The following TCF12 variants were observed in gnomAD, a reference collection of about 807,000 sequenced individuals.
The protein encoded by TCF12 is transcription factor 12.
Under a neutral mutation model 86.0 loss-of-function variants are expected in TCF12, and 45 were observed. The ratio of observed to expected loss-of-function variants is 0.52; its 90% CI spans 0.41 to 0.67. The LOEUF (loss-of-function observed/expected upper bound fraction) is 0.67. Among genes scored for constraint, TCF12 ranks in the 30% least tolerant of loss-of-function variants. The pLI is 0.00. For synonymous variants in TCF12, 330 were observed against 299.6 expected (o/e 1.10, Z -1.05); for missense variants, 881 against 859.9 (o/e 1.02, Z -0.31).
At chr15:57,107,025 A>G (rs1252795236) in intron 5 of TCF12, among the ~76,000 whole-genome samples, 5 of 152,234 alleles carry the variant, frequency 3.3e-5, no homozygotes, top group African/African-American at 9.6e-5. Flanking sequence ...TTACAAAACA[A>G]AACATGCTCT....
At chr15:57,161,783 A>G (rs1033505780) in intron 5 of TCF12, among the ~76,000 whole-genome samples, 3 of 152,220 alleles carry the variant, frequency 2.0e-5, no homozygotes, top group South Asian at 2.1e-4. Flanking sequence ...CAGTAGAACA[A>G]TAGATATTTT....
chr15:56,920,035 T>C (rs1475469927), intron 2 of TCF12, 47 bp downstream of exon 2: 2 of 1,593,046 alleles, frequency 1.3e-6, no homozygotes, highest in African/African-American at 1.4e-5. Context: ...GAGGTTTTTG[T>C]TTGTTTGTTT....
chr15:57,155,011 G>T (rs2054019640), intron 5 of TCF12, among the ~76,000 whole-genome samples: 1 of 152,122 alleles, frequency 6.6e-6, no homozygotes, highest in African/African-American at 2.4e-5. Flanking sequence ...ACCCAGTGAG[G>T]TAGAACTATT....
At chr15:57,170,708 A>T (rs1385767977) in intron 6 of TCF12, among the ~76,000 whole-genome samples, 1 of 14,116 alleles carries the variant, frequency 7.1e-5, no homozygotes, top group African/African-American at 3.1e-4. Context: ...TATATATAAT[A>T]TATAATATAT....
intron 6 of TCF12, among the ~76,000 whole-genome samples, chr15:57,168,302 G>T (rs1298129425): frequency 6.6e-6 from 1 of 152,138 alleles, no homozygotes; most frequent in Non-Finnish European, 1.5e-5. Flanking sequence ...GTTAAAAATT[G>T]CAGAGAACCA....
chr15:57,178,395 G>T (rs1432109152), intron 6 of TCF12, among the ~76,000 whole-genome samples: 2 of 152,062 alleles, frequency 1.3e-5, no homozygotes, highest in Non-Finnish European at 2.9e-5. Flanking sequence ...GCTATATTGG[G>T]TTTTTTTACT....
intron 3 of TCF12, among the ~76,000 whole-genome samples, chr15:56,955,389 C>T (rs2061464405): frequency 6.6e-6 from 1 of 150,838 alleles, no homozygotes; most frequent in Non-Finnish European, 1.5e-5. Flanking sequence ...CATCACACAC[C>T]CAGGGCCTGT....
chr15:57,000,132 CTTTCTT>C (rs1363938742), intron 3 of TCF12, among the ~76,000 whole-genome samples: 10 of 151,806 alleles, frequency 6.6e-5, no homozygotes, highest in Non-Finnish European at 1.5e-4. Flanking sequence ...CTGTGAGCAA[CTTTCTT>C]TTTGACCTTT....
In TCF12 at chr15:57,024,461, G is replaced by A. The variant is rs147554924; in HGVS notation, c.149-39289G>A. On this transcript the variant is annotated intron_variant, in intron 3 of 20. Coordinates refer to ENST00000333725, the MANE Select transcript of TCF12 (RefSeq NM_207037.2). ...ACTCCTGACTGCAAGTCATCTGCCT[G>A]CCTCAGCCTCCCAAAGTGCTGGGAT... is the stretch of plus-strand genomic sequence containing the variant. Among the ~76,000 whole-genome samples, 1,096 of 152,176 alleles carry A rather than the reference G, an allele frequency of 7.2e-3. 11 individuals carry two copies. Among genetic ancestry groups the A allele is most frequent in the African/African-American group, 0.024 (1,017 of 41,526 alleles).
At chr15:57,240,897 AAAAAG>A (rs1566969791) in intron 12 of TCF12, among the ~76,000 whole-genome samples, 2 of 151,068 alleles carry the variant, frequency 1.3e-5, no homozygotes, top group African/African-American at 4.9e-5. Context: ...AAAAAAAAAA[AAAAAG>A]AAAGGGAAAA....
rs372235874 is a variant in TCF12 at position 56,990,151 on chromosome 15, CT to C, written c.148+69072del. ...CATTTATTTTTAGGCATAGTCTTGT[CT>C]TTTTTTTTTTTTTTTTTTGGTAAAT... On this transcript the variant is annotated intron_variant, in intron 3 of 20. Transcript: ENST00000333725. 3.5e-3 allele frequency among the ~76,000 whole-genome samples: 322 copies of C among 92,716 alleles called. 2 individuals carry two copies. Among genetic ancestry groups the C allele is most frequent in the Middle Eastern group, 0.01 (1 of 98 alleles). 60.8% of individuals were successfully genotyped at this position (92,716 alleles called of 152,430 possible). A position where few individuals can be genotyped will look rare whatever the true frequency, so the allele number is the denominator to read the frequency against.
At chr15:57,282,686 G>A in intron 20 of TCF12, 88 bp downstream of exon 20, 1 of 1,442,508 alleles carries the variant, frequency 6.9e-7, no homozygotes, top group South Asian at 1.3e-5. Flanking sequence ...GAATTCTCTA[G>A]TGAGCAGTGG....
At chr15:56,968,619 T>G (rs1220343834) in intron 3 of TCF12, among the ~76,000 whole-genome samples, 1 of 152,224 alleles carries the variant, frequency 6.6e-6, no homozygotes, top group African/African-American at 2.4e-5. Flanking sequence ...TGGCTTTGGC[T>G]TTTATTCTGA....
intron 19 of TCF12, among the ~76,000 whole-genome samples, chr15:57,273,609 C>T (rs1472579091): frequency 2.0e-5 from 3 of 152,102 alleles, no homozygotes; most frequent in African/African-American, 4.8e-5. Flanking sequence ...CTCCTCCCTG[C>T]TCTTTATGTC....
intron 4 of TCF12, among the ~76,000 whole-genome samples, chr15:57,079,239 A>G (rs149497850): frequency 1.2e-4 from 19 of 152,338 alleles, no homozygotes; most frequent in Admixed American, 6.5e-4. Flanking sequence ...ACACATCAGA[A>G]TAGAGTTTTT....
At chr15:57,170,676 ATATAT>A (rs1202012539) in intron 6 of TCF12, among the ~76,000 whole-genome samples, 62 of 5,056 alleles carry the variant, frequency 0.012, 2 homozygotes, top group African/African-American at 0.015. Context: ...TATATATATA[ATATAT>A]TATATATAAT....
At chr15:57,040,923 AT>A (rs1332915994) in intron 3 of TCF12, among the ~76,000 whole-genome samples, 1 of 152,212 alleles carries the variant, frequency 6.6e-6, no homozygotes, top group Admixed American at 6.5e-5. Flanking sequence ...ATTTTTGTAC[AT>A]TTTAACATTT....
intron 3 of TCF12, among the ~76,000 whole-genome samples, chr15:56,945,051 T>G (rs1219715634): frequency 6.6e-6 from 1 of 152,178 alleles, no homozygotes; most frequent in Non-Finnish European, 1.5e-5. Context: ...GGTCTTACAC[T>G]CATTTTGTTA....
At chr15:57,233,067 A>G (rs950441464) in intron 11 of TCF12, among the ~76,000 whole-genome samples, 3 of 118,010 alleles carry the variant, frequency 2.5e-5, no homozygotes, top group Admixed American at 2.4e-4. Context: ...TTATATATGT[A>G]TATGTGTGTT....
Sources: allele counts gnomAD v4.1 joint callset (sites outside exome capture counted in the v4.1 genomes callset), GRCh38; gene constraint gnomAD v4.1.1; transcripts MANE v1.5; gene names NCBI Gene and HGNC (gene_info 2026-07-23, HGNC 2026-07-21).